Variants in PATJ observed in about 807,000 individuals in gnomAD.
PATJ encodes inaD-like protein.
In PATJ, 190 loss-of-function variants were observed where a neutral mutation model predicts 224.9. That is an observed-to-expected ratio of 0.84 (90% CI 0.75 to 0.95). PATJ has a LOEUF of 0.95. Ranked by LOEUF, PATJ falls within the 40% of genes least tolerant of loss-of-function variation. The pLI is 0.00. For synonymous variants in PATJ, 769 were observed against 820.3 expected, an observed-to-expected ratio of 0.94 and a Z score of 1.07; for missense variants, 2,121 against 2,270.3, an observed-to-expected ratio of 0.93 and a Z score of 1.34.
chr1:62,104,638 C>T (rs773236081), intron 33 of PATJ, among the ~76,000 whole-genome samples: 16 of 151,964 alleles, frequency 1.1e-4, no homozygotes, highest in Non-Finnish European at 2.2e-4. Context: ...CACAGTGTCT[C>T]GTATTTTCTT....
At chr1:62,051,192 T>C (rs546298725) in intron 31 of PATJ, 134 bp downstream of exon 31, 5 of 676,874 alleles carry the variant, frequency 7.4e-6, no homozygotes, top group Admixed American at 7.3e-5. Flanking sequence ...AAGAAGCTAT[T>C]ATATGTAGTG....
chr1:62,121,202 A>G lies in PATJ; in HGVS notation c.4912A>G (p.Ser1638Gly). The G allele has an allele frequency of 2.5e-6, 4 of 1,613,890 alleles. No homozygotes were observed. The highest frequency in any genetic ancestry group is 3.4e-6 in the Non-Finnish European group (4 of 1,179,794). ...TCAGGGTAGTCAGCAGAGTGCACAC[A>G]GCAGCTGTCATCCCTCCTTCGCTCC... is the stretch of plus-strand genomic sequence containing the variant. Reference protein sequence around the residue: ...NSQGSQQSAHSSCHPSFAPVI... With the variant: ...NSQGSQQSAHGSCHPSFAPVI... The change falls in exon 38 of 44, where the codon AGC becomes GGC. Residue 1638 changes from serine to glycine, a missense_variant. By Grantham distance (56) the Ser-to-Gly change is moderately conservative (BLOSUM62 0). Coordinates refer to ENST00000642238, the MANE Select transcript of PATJ (RefSeq NM_001350145.3).
intron 43 of PATJ, among the ~76,000 whole-genome samples, chr1:62,157,272 G>T (rs189655846): frequency 1.4e-5 from 2 of 146,150 alleles, no homozygotes; most frequent in Non-Finnish European, 3.0e-5. Flanking sequence ...TGCAGTGAGC[G>T]GAGATTACAC....
Position 61,861,284 on chromosome 1 carries a change from CTT to C in PATJ, c.2323-245_2323-244del. Among the ~76,000 whole-genome samples the C allele has an allele frequency of 4.1e-3, 200 of 48,866 alleles. 1 individual carries two copies. Among genetic ancestry groups the C allele is most frequent in the African/African-American group, 9.0e-3 (146 of 16,294 alleles). The allele number at this position is 48,866 out of a possible 152,430, so 32.1% of individuals were successfully genotyped here. ...TGAAACCAGGATATTTTCTTTCTTT[CTT>C]TTTTTTTTTTTTTTTTTTTTTACGT... On this transcript the variant is annotated intron_variant, in intron 18 of 43. Transcript: ENST00000642238.
chr1:61,980,437 T>TTG (rs148389720), intron 27 of PATJ, among the ~76,000 whole-genome samples: 12,237 of 129,544 alleles, frequency 0.094, 604 homozygotes, highest in Admixed American at 0.16. Context: ...CTTATATAAT[T>TTG]TGTGTGTGTG....
intron 33 of PATJ, among the ~76,000 whole-genome samples, chr1:62,106,158 G>GTA (rs61653676): frequency 0.11 from 5,301 of 47,920 alleles, 692 homozygotes; most frequent in Admixed American, 0.21. Flanking sequence ...GTGTGTGTGT[G>GTA]TATATATATA....
rs372921211 is a variant in PATJ at position 61,781,015 on chromosome 1, C to CA, written c.849+5682dup. 2.8e-3 allele frequency among the ~76,000 whole-genome samples: 433 copies of CA among 152,282 alleles called. 2 individuals are homozygous for CA. Among genetic ancestry groups the CA allele is most frequent in the African/African-American group, 9.9e-3 (412 of 41,550 alleles). ...TTATCTGCTTAATGTACATTATTCT[C>CA]ATGTAACCTTCAAAATACTCTTAGA... On this transcript the variant is annotated intron_variant, in intron 7 of 43. Coordinates refer to ENST00000642238, the MANE Select transcript of PATJ (RefSeq NM_001350145.3).
intron 27 of PATJ, among the ~76,000 whole-genome samples, chr1:61,928,615 A>G (rs1387591850): frequency 6.6e-6 from 1 of 152,100 alleles, no homozygotes; most frequent in African/African-American, 2.4e-5. Context: ...GTGACCTTAA[A>G]TATGCCCTCC....
rs559980531 is a variant in PATJ, at chr1:61,774,154, G to C, written c.721-1052G>C. Among the ~76,000 whole-genome samples, 27 of 151,426 alleles carry C rather than the reference G, an allele frequency of 1.8e-4. No individual in the cohort carries two copies. The East Asian group carries it at 4.7e-3, about 26-fold the overall frequency. On this transcript the variant is annotated intron_variant, in intron 6 of 43. Transcript: ENST00000642238. Reference sequence around the variant, plus strand: ...AAAAAAAAAAAAATTAGCTGGGCGTGGTGGTACATGCCTGTAGTCCCAGCT... The same window carrying C: ...AAAAAAAAAAAAATTAGCTGGGCGTCGTGGTACATGCCTGTAGTCCCAGCT...
intron 27 of PATJ, chr1:61,952,129 C>T (rs1219637896): frequency 9.2e-6 from 4 of 435,766 alleles, no homozygotes; most frequent in Non-Finnish European, 1.2e-5. Context: ...CATAGTTTTC[C>T]AGGCAGCTTT....
At chr1:62,096,327 A>AT in intron 33 of PATJ, among the ~76,000 whole-genome samples, 1 of 152,114 alleles carries the variant, frequency 6.6e-6, no homozygotes, top group East Asian at 1.9e-4. Flanking sequence ...TTACAAATAA[A>AT]TTTTAGGGAG....
chr1:61,925,392 C>T (rs1675039588), intron 26 of PATJ, among the ~76,000 whole-genome samples: 1 of 152,180 alleles, frequency 6.6e-6, no homozygotes, highest in African/African-American at 2.4e-5. Context: ...TCTAAATGGT[C>T]AGACCATAAA....
At chr1:61,792,652 T>G (rs1650135460) in intron 9 of PATJ, among the ~76,000 whole-genome samples, 1 of 151,956 alleles carries the variant, frequency 6.6e-6, no homozygotes, top group Non-Finnish European at 1.5e-5. Context: ...TACCCCAGCC[T>G]TCGGGTAGCT....
intron 29 of PATJ, among the ~76,000 whole-genome samples, chr1:62,020,725 G>A (rs1324526217): frequency 6.6e-6 from 1 of 152,182 alleles, no homozygotes; most frequent in African/African-American, 2.4e-5. Flanking sequence ...CAATTTAGAA[G>A]TATCAATGTA....
chr1:62,075,878 A>G (rs1454873038), intron 31 of PATJ, among the ~76,000 whole-genome samples: 1 of 151,602 alleles, frequency 6.6e-6, no homozygotes, highest in African/African-American at 2.4e-5. Context: ...AGATCGCGCC[A>G]CTGCACTCCA....
intron 27 of PATJ, among the ~76,000 whole-genome samples, chr1:61,952,846 T>C (rs754720475): frequency 1.3e-5 from 2 of 152,242 alleles, no homozygotes; most frequent in Non-Finnish European, 2.9e-5. Context: ...TAGAACTAGG[T>C]TATTCTGGTT....
chr1:62,091,762 A>T (rs1162590390), intron 33 of PATJ, among the ~76,000 whole-genome samples: 1 of 152,070 alleles, frequency 6.6e-6, no homozygotes, highest in Non-Finnish European at 1.5e-5. Flanking sequence ...TATTTTAAAA[A>T]AAAATAAAAT....
At chr1:61,944,416 G>A (rs566724264) in intron 27 of PATJ, among the ~76,000 whole-genome samples, 36 of 152,274 alleles carry the variant, frequency 2.4e-4, no homozygotes, top group Non-Finnish European at 1.5e-4. Flanking sequence ...GGCACGAGAA[G>A]TACGTGACGA....
chr1:61,892,398 A>C (rs1669723332), intron 22 of PATJ, among the ~76,000 whole-genome samples: 3 of 151,880 alleles, frequency 2.0e-5, no homozygotes, highest in Admixed American at 2.0e-4. Flanking sequence ...GTCTGGAGTC[A>C]TCAGATTTTG....
Sources: gnomAD v4.1 joint callset for allele counts (sites outside exome capture counted in the v4.1 genomes callset) on GRCh38, gnomAD v4.1.1 for gene constraint, MANE v1.5 for transcripts, NCBI Gene and HGNC (gene_info 2026-07-23, HGNC 2026-07-21) for gene names.